The following TSHZ2 variants were observed in gnomAD, a reference collection of about 807,000 sequenced individuals.
TSHZ2 encodes teashirt homolog 2.
In TSHZ2, 21 loss-of-function variants were observed where a neutral mutation model predicts 74.4. The ratio of observed to expected loss-of-function variants is 0.28; its 90% confidence interval spans 0.20 to 0.41. TSHZ2 has a LOEUF of 0.41. Among genes scored for constraint, TSHZ2 ranks in the 10% least tolerant of loss-of-function variants. The probability of loss-of-function intolerance (pLI) is 1.00; values close to 1 mark genes in which losing one functional copy is unlikely to be tolerated. For missense variants in TSHZ2, 1,244 were observed against 1,293.5 expected (o/e 0.96, Z 0.59); for synonymous variants, 540 against 515.3 (o/e 1.05, Z -0.65).
chr20:53,447,435 A>G (rs1984597013), intron 2 of TSHZ2, among the ~76,000 whole-genome samples: 1 of 152,224 alleles, frequency 6.6e-6, no homozygotes, highest in African/African-American at 2.4e-5. Context: ...CAGTTTATGC[A>G]TACCCTTAAC....
chr20:53,048,770 G>A (rs6068439), intron 1 of TSHZ2, among the ~76,000 whole-genome samples: 38,941 of 152,040 alleles, frequency 0.26, 8,977 homozygotes, highest in African/African-American at 0.62. Flanking sequence ...TTCCCCTTTT[G>A]TATGGGATTT....
intron 2 of TSHZ2, among the ~76,000 whole-genome samples, chr20:53,446,706 A>C (rs1344368544): frequency 6.6e-6 from 1 of 152,090 alleles, no homozygotes; most frequent in Non-Finnish European, 1.5e-5. Flanking sequence ...TGAATTCATA[A>C]ATTCTCATAT....
chr20:53,231,385 G>A (rs1262604279), intron 1 of TSHZ2, among the ~76,000 whole-genome samples: 1 of 152,184 alleles, frequency 6.6e-6, no homozygotes, highest in Non-Finnish European at 1.5e-5. Context: ...TAGATGAATT[G>A]GAATATTGAA....
chr20:53,153,936 C>T (rs1732398777), intron 1 of TSHZ2, among the ~76,000 whole-genome samples: 1 of 152,114 alleles, frequency 6.6e-6, no homozygotes, highest in Non-Finnish European at 1.5e-5. Context: ...AGGCTTGTTC[C>T]CATGGTGGTA....
At chr20:53,241,792 C>T (rs914336527) in intron 1 of TSHZ2, among the ~76,000 whole-genome samples, 18 of 152,070 alleles carry the variant, frequency 1.2e-4, no homozygotes, top group African/African-American at 3.4e-4. Context: ...ATGGAGAGAC[C>T]GAGCCCCACA....
intron 2 of TSHZ2, among the ~76,000 whole-genome samples, chr20:53,302,568 C>T (rs893247084): frequency 5.9e-5 from 9 of 152,212 alleles, no homozygotes; most frequent in South Asian, 2.1e-4. Context: ...GCTGGGTTCC[C>T]GGGAGAATGG....
chr20:53,076,776 C>A (rs1420183465), intron 1 of TSHZ2, among the ~76,000 whole-genome samples: 1 of 152,016 alleles, frequency 6.6e-6, no homozygotes, highest in Non-Finnish European at 1.5e-5. Context: ...GAAAACACAA[C>A]CTGATGAAGG....
At chr20:53,464,656 A>G (rs958657472) in intron 2 of TSHZ2, among the ~76,000 whole-genome samples, 7 of 152,130 alleles carry the variant, frequency 4.6e-5, no homozygotes, top group South Asian at 2.1e-4. Context: ...TTTTGTAGAG[A>G]CAGGGTCTTG....
chr20:53,157,468 ATGATTG>A (rs1280460178), intron 1 of TSHZ2, among the ~76,000 whole-genome samples: 1 of 148,206 alleles, frequency 6.7e-6, no homozygotes, highest in Non-Finnish European at 1.5e-5. Context: ...GTGCAGTGGC[ATGATTG>A]TAGCTCACTG....
intron 1 of TSHZ2, among the ~76,000 whole-genome samples, chr20:53,014,654 G>A (rs113341617): frequency 2.8e-4 from 42 of 151,984 alleles, no homozygotes; most frequent in African/African-American, 3.9e-4. Flanking sequence ...TCCTCTTTCC[G>A]TGCTAGGAAA....
At chr20:53,335,392 G>A (rs1174947311) in intron 2 of TSHZ2, among the ~76,000 whole-genome samples, 3 of 152,130 alleles carry the variant, frequency 2.0e-5, no homozygotes, top group Non-Finnish European at 2.9e-5. Flanking sequence ...AAATAGACTG[G>A]GTCCCTAAAG....
chr20:53,190,137 A>T lies in TSHZ2; in HGVS notation c.41-63362A>T, dbSNP rs865780249. 5.6e-3 allele frequency among the ~76,000 whole-genome samples: 511 copies of T among 90,466 alleles called. 16 individuals are homozygous for T. The highest frequency in any genetic ancestry group is 0.019 in the African/African-American group (454 of 24,358). 59.3% of individuals were successfully genotyped at this position (90,466 alleles called of 152,430 possible). A position where few individuals can be genotyped will look rare whatever the true frequency, so the allele number is the denominator to read the frequency against. Reference sequence around the variant, plus strand: ...TATATATATATATATATATATATATATTTTCTTAAATGCCTCTGTTTCTTT... The same window carrying T: ...TATATATATATATATATATATATATTTTTTCTTAAATGCCTCTGTTTCTTT... On this transcript the variant is annotated intron_variant, in intron 1 of 2. Coordinates refer to ENST00000371497, the MANE Select transcript of TSHZ2 (RefSeq NM_173485.6).
chr20:53,191,852 G>A (rs1600732865), intron 1 of TSHZ2, among the ~76,000 whole-genome samples: 1 of 152,166 alleles, frequency 6.6e-6, no homozygotes, highest in African/African-American at 2.4e-5. Flanking sequence ...CATGTCAGCA[G>A]GCATACATAC....
intron 2 of TSHZ2, among the ~76,000 whole-genome samples, chr20:53,437,705 G>T (rs558427745): frequency 6.6e-6 from 1 of 152,306 alleles, no homozygotes; most frequent in African/African-American, 2.4e-5. Context: ...TGGAGGTGGG[G>T]CCCAGTGGGA....
At chr20:53,424,604 T>C (rs1399541813) in intron 2 of TSHZ2, among the ~76,000 whole-genome samples, 2 of 152,156 alleles carry the variant, frequency 1.3e-5, no homozygotes, top group Non-Finnish European at 2.9e-5. Flanking sequence ...ATGTGCAAGA[T>C]GTGCAGGTCT....
intron 2 of TSHZ2, among the ~76,000 whole-genome samples, chr20:53,275,796 A>G (rs1027598174): frequency 7.2e-5 from 11 of 152,160 alleles, no homozygotes; most frequent in Admixed American, 6.5e-4. Context: ...GCGCGGTGGC[A>G]CATGCCTGTA....
At position 53,106,801 on chromosome 20, in the gene TSHZ2, G is replaced by A. The variant is rs191925035; in HGVS notation, c.40+133468G>A. On this transcript the variant is annotated intron_variant, in intron 1 of 2. Transcript: ENST00000371497. ...CAACCTCCACCTCCCAGGTTCAAGC[G>A]ATTCTCCAGCCTCAGCCTCCCAAGT... is the stretch of plus-strand genomic sequence containing the variant. 3.4e-3 allele frequency among the ~76,000 whole-genome samples: 482 copies of A among 143,126 alleles called. 2 individuals carry two copies. The highest frequency in any genetic ancestry group is 0.012 in the African/African-American group (467 of 38,208). 93.9% of individuals were successfully genotyped at this position (143,126 alleles called of 152,430 possible).
chr20:53,095,163 A>T (rs1986001757), intron 1 of TSHZ2, among the ~76,000 whole-genome samples: 1 of 152,058 alleles, frequency 6.6e-6, no homozygotes, highest in African/African-American at 2.4e-5. Context: ...TACATCACAA[A>T]GGTTTGGTTT....
At chr20:53,041,031 G>A (rs1469851869) in intron 1 of TSHZ2, among the ~76,000 whole-genome samples, 1 of 152,202 alleles carries the variant, frequency 6.6e-6, no homozygotes, top group African/African-American at 2.4e-5. Flanking sequence ...GTTAGTCTCT[G>A]CAGGAAGCTG....
Sources: allele counts gnomAD v4.1 joint callset (sites outside exome capture counted in the v4.1 genomes callset), GRCh38; gene constraint gnomAD v4.1.1; transcripts MANE v1.5; gene names NCBI Gene and HGNC (gene_info 2026-07-23, HGNC 2026-07-21).